FAM227B: variants seen among roughly 807,000 people sequenced by gnomAD.
FAM227B encodes protein FAM227B.
In FAM227B, 88 loss-of-function variants were observed where a neutral mutation model predicts 73.8. The ratio of observed to expected loss-of-function variants is 1.19; its 90% CI spans 1.00 to 1.42. FAM227B has a LOEUF of 1.42. Ranked by LOEUF, FAM227B falls within the 40% of genes most tolerant of loss-of-function variation. The probability of loss-of-function intolerance (pLI) is 0.00; values close to 1 mark genes in which losing one functional copy is unlikely to be tolerated. For synonymous variants in FAM227B, 210 were observed against 190.5 expected, an observed-to-expected ratio of 1.10 and a Z score of -0.84; for missense variants, 632 against 590.9, an observed-to-expected ratio of 1.07 and a Z score of -0.72.
intron 10 of FAM227B, among the ~76,000 whole-genome samples, chr15:49,537,354 A>T (rs2070422133): frequency 6.6e-6 from 1 of 152,134 alleles, no homozygotes; most frequent in Admixed American, 6.6e-5. Flanking sequence ...AGGGAAATGC[A>T]AATTAAAACC....
chr15:49,612,974 T>TA (rs955948377), intron 2 of FAM227B, among the ~76,000 whole-genome samples: 3 of 151,966 alleles, frequency 2.0e-5, no homozygotes, highest in African/African-American at 7.2e-5. Flanking sequence ...CTCATGGAGA[T>TA]AGAGATAGAA....
chr15:49,437,374 C>A (rs2051200864), intron 11 of FAM227B, among the ~76,000 whole-genome samples: 1 of 151,526 alleles, frequency 6.6e-6, no homozygotes. Context: ...AGTTTACTGG[C>A]AAATAGGTTC....
At chr15:49,613,574 C>T (rs2078095170) in intron 2 of FAM227B, among the ~76,000 whole-genome samples, 1 of 152,060 alleles carries the variant, frequency 6.6e-6, no homozygotes, top group Admixed American at 6.6e-5. Flanking sequence ...AACTGGCTAA[C>T]TATAGTCAAC....
chr15:49,555,987 T>C (rs1289489602), intron 9 of FAM227B, among the ~76,000 whole-genome samples: 1 of 152,236 alleles, frequency 6.6e-6, no homozygotes, highest in Non-Finnish European at 1.5e-5. Flanking sequence ...TTTCAATGAA[T>C]TCTTTTTAAT....
intron 11 of FAM227B, among the ~76,000 whole-genome samples, chr15:49,420,569 G>T (rs752395070): frequency 2.6e-5 from 4 of 151,970 alleles, no homozygotes; most frequent in Admixed American, 6.6e-5. Context: ...CTAATAAAAA[G>T]AATTATCTAT....
At chr15:49,334,601 G>A (rs1399320138) in intron 14 of FAM227B, among the ~76,000 whole-genome samples, 1 of 152,156 alleles carries the variant, frequency 6.6e-6, no homozygotes, top group Non-Finnish European at 1.5e-5. Flanking sequence ...GGATATGTGT[G>A]TGTGGACGTA....
In FAM227B at chr15:49,577,473, A is replaced by G. The variant is rs565540745; in HGVS notation, c.441+156T>C. Reference sequence around the variant, plus strand: ...CTAGACTACACATAAGTAAATAAAGACTAGGCAGAAAGAGAAAGCTTCTAT... The same window carrying G: ...CTAGACTACACATAAGTAAATAAAGGCTAGGCAGAAAGAGAAAGCTTCTAT... On this transcript the variant is annotated intron_variant, in intron 6 of 15. Transcript: ENST00000299338. Among the ~76,000 whole-genome samples, 132 of 152,292 alleles carry G rather than the reference A, an allele frequency of 8.7e-4. 5 individuals carry two copies. In the South Asian group the frequency reaches 0.026, roughly 30 times the overall value.
At chr15:49,609,552 G>A (rs1002319983) in intron 3 of FAM227B, among the ~76,000 whole-genome samples, 3 of 151,874 alleles carry the variant, frequency 2.0e-5, no homozygotes, top group African/African-American at 7.2e-5. Context: ...AGCTCCATAA[G>A]GGCAGGCATC....
chr15:49,591,215 C>T (rs2076536511), intron 3 of FAM227B, among the ~76,000 whole-genome samples: 1 of 151,234 alleles, frequency 6.6e-6, no homozygotes, highest in Non-Finnish European at 1.5e-5. Flanking sequence ...GTTGGGACTA[C>T]AGGCGCCCGC....
chr15:49,363,353 G>A (rs2044581064), intron 13 of FAM227B, among the ~76,000 whole-genome samples: 1 of 152,130 alleles, frequency 6.6e-6, no homozygotes, highest in South Asian at 2.1e-4. Flanking sequence ...ATGGTTAGCT[G>A]TATTCCTAGG....
chr15:49,368,501 C>A (rs760142017), intron 12 of FAM227B, among the ~76,000 whole-genome samples: 4 of 152,126 alleles, frequency 2.6e-5, no homozygotes, highest in Non-Finnish European at 5.9e-5. Flanking sequence ...AGCTACAGAA[C>A]CATTTCAAAT....
At chr15:49,506,877 A>G (rs1406333836) in intron 11 of FAM227B, among the ~76,000 whole-genome samples, 1 of 152,104 alleles carries the variant, frequency 6.6e-6, no homozygotes, top group Non-Finnish European at 1.5e-5. Context: ...AACAAGCAAA[A>G]TATAAATAAT....
intron 10 of FAM227B, among the ~76,000 whole-genome samples, chr15:49,537,292 A>T (rs1256736820): frequency 6.6e-6 from 1 of 152,142 alleles, no homozygotes; most frequent in Admixed American, 6.6e-5. Context: ...AAGACATACA[A>T]ATATATGAAA....
chr15:49,382,007 A>G (rs1208643305), intron 11 of FAM227B, among the ~76,000 whole-genome samples: 1 of 151,980 alleles, frequency 6.6e-6, no homozygotes, highest in African/African-American at 2.4e-5. Flanking sequence ...AAAGATACAC[A>G]TGATATTTCT....
chr15:49,565,408 T>C (rs1416347137), intron 9 of FAM227B, among the ~76,000 whole-genome samples: 1 of 142,440 alleles, frequency 7.0e-6, no homozygotes, highest in Non-Finnish European at 1.5e-5. Flanking sequence ...AAATCAGAAA[T>C]CAACAAATAT....
intron 3 of FAM227B, among the ~76,000 whole-genome samples, chr15:49,599,979 T>C (rs1157957926): frequency 1.3e-5 from 2 of 148,726 alleles, no homozygotes; most frequent in Non-Finnish European, 3.0e-5. Context: ...TCTCTCCATA[T>C]GATCTATCCA....
intron 11 of FAM227B, among the ~76,000 whole-genome samples, chr15:49,405,116 G>A (rs191738572): frequency 2.0e-5 from 3 of 152,248 alleles, no homozygotes; most frequent in Non-Finnish European, 4.4e-5. Context: ...CTGCTGAGAA[G>A]CCCTCTGTTA....
chr15:49,391,249 T>C (rs2047195640), intron 11 of FAM227B, among the ~76,000 whole-genome samples: 1 of 152,108 alleles, frequency 6.6e-6, no homozygotes, highest in Non-Finnish European at 1.5e-5. Context: ...CACATTTCTT[T>C]AAGAAATATC....
intron 13 of FAM227B, among the ~76,000 whole-genome samples, chr15:49,354,307 G>A (rs1232421019): frequency 6.6e-6 from 1 of 152,222 alleles, no homozygotes; most frequent in Non-Finnish European, 1.5e-5. Context: ...CAGAAGACGG[G>A]TGATTTCTGC....
Sources: allele counts gnomAD v4.1 joint callset (sites outside exome capture counted in the v4.1 genomes callset), GRCh38; gene constraint gnomAD v4.1.1; transcripts MANE v1.5; gene names NCBI Gene and HGNC (gene_info 2026-07-23, HGNC 2026-07-21).